SPEF2: variants seen among roughly 807,000 people sequenced by gnomAD.
The protein encoded by SPEF2 is sperm flagella and cilia-associated protein 2.
SPEF2 carries 187 observed loss-of-function variants against 224.6 expected under a neutral mutation model. The observed-to-expected ratio is 0.83, with a 90% CI of 0.74 to 0.94. The LOEUF (loss-of-function observed/expected upper bound fraction) is 0.94. Ranked by LOEUF, SPEF2 falls within the 40% of genes least tolerant of loss-of-function variation. The pLI, the probability that SPEF2 is intolerant of heterozygous loss-of-function variation, is 0.00. For missense variants in SPEF2, 2,170 were observed against 2,135.6 expected (o/e 1.02, Z -0.32); for synonymous variants, 715 against 707.3 (o/e 1.01, Z -0.17).
intron 25 of SPEF2, among the ~76,000 whole-genome samples, chr5:35,763,062 T>A (rs1751550024): frequency 6.6e-6 from 1 of 152,204 alleles, no homozygotes; most frequent in Non-Finnish European, 1.5e-5. Context: ...GGTATGGCCA[T>A]GGACAGTCAT....
chr5:35,671,404 ACTAGAAC>A (rs1411647826), intron 10 of SPEF2: 1 of 971,552 alleles, frequency 1.0e-6, no homozygotes, highest in African/African-American at 1.8e-5. Flanking sequence ...TTAAGGATTG[ACTAGAAC>A]CTTAAAAGAT....
intron 10 of SPEF2, chr5:35,671,440 T>C: frequency 1.0e-6 from 1 of 977,946 alleles, no homozygotes; most frequent in Non-Finnish European, 1.2e-6. Context: ...ATGTTTGTTT[T>C]GTACGGTTGT....
intron 2 of SPEF2, among the ~76,000 whole-genome samples, chr5:35,634,169 C>T (rs1745515227): frequency 6.6e-6 from 1 of 152,078 alleles, no homozygotes; most frequent in Non-Finnish European, 1.5e-5. Context: ...TCATTTAGGA[C>T]TTAAAGATTC....
chr5:35,719,648 G>A (rs1580437011), intron 20 of SPEF2, among the ~76,000 whole-genome samples: 1 of 151,836 alleles, frequency 6.6e-6, no homozygotes, highest in Non-Finnish European at 1.5e-5. Flanking sequence ...TTGAGATGGA[G>A]TCTAGCTCTG....
At chr5:35,786,151 T>C (rs966844032) in intron 30 of SPEF2, among the ~76,000 whole-genome samples, 4 of 152,176 alleles carry the variant, frequency 2.6e-5, no homozygotes, top group Admixed American at 1.3e-4. Flanking sequence ...TTTTCATTTC[T>C]TTATTCATTT....
At chr5:35,757,693 A>C (rs1167027694) in intron 24 of SPEF2, among the ~76,000 whole-genome samples, 2 of 152,166 alleles carry the variant, frequency 1.3e-5, no homozygotes, top group African/African-American at 4.8e-5. Flanking sequence ...GGATTTGTTC[A>C]TACATGAATA....
At chr5:35,631,736 C>G (rs1745162572) in intron 2 of SPEF2, among the ~76,000 whole-genome samples, 1 of 152,162 alleles carries the variant, frequency 6.6e-6, no homozygotes, top group South Asian at 2.1e-4. Context: ...ATTTCCACAT[C>G]CATGAATTCA....
At chr5:35,796,326 G>A (rs1012307921) in intron 33 of SPEF2, among the ~76,000 whole-genome samples, 2 of 152,064 alleles carry the variant, frequency 1.3e-5, no homozygotes, top group Non-Finnish European at 2.9e-5. Context: ...ATCTCAATGC[G>A]GCCGGGCGCG....
intron 21 of SPEF2, among the ~76,000 whole-genome samples, chr5:35,735,438 G>A (rs1580506559): frequency 1.3e-5 from 2 of 152,272 alleles, no homozygotes; most frequent in Middle Eastern, 6.8e-3. Flanking sequence ...GGAAATTACA[G>A]AAAGACAAAT....
At chr5:35,676,274 T>G (rs1751990952) in intron 10 of SPEF2, among the ~76,000 whole-genome samples, 1 of 151,186 alleles carries the variant, frequency 6.6e-6, no homozygotes, top group South Asian at 2.1e-4. Context: ...GAGATGGTGG[T>G]CAGGGCTTTT....
chr5:35,706,377 G>A (rs1739776878), intron 18 of SPEF2, among the ~76,000 whole-genome samples: 1 of 151,824 alleles, frequency 6.6e-6, no homozygotes, highest in Non-Finnish European at 1.5e-5. Flanking sequence ...ACATAAAACT[G>A]CACAGATCGC....
intron 10 of SPEF2, among the ~76,000 whole-genome samples, chr5:35,676,580 T>C (rs931196214): frequency 1.3e-5 from 2 of 151,972 alleles, no homozygotes; most frequent in South Asian, 4.1e-4. Context: ...AATACAAAAA[T>C]TAGCTAGGCA....
intron 10 of SPEF2, among the ~76,000 whole-genome samples, chr5:35,677,585 A>G (rs963028168): frequency 6.6e-6 from 1 of 152,204 alleles, no homozygotes; most frequent in East Asian, 1.9e-4. Context: ...GCCACATTCA[A>G]TGCCTTGGAA....
intron 20 of SPEF2, 67 bp from the exon 21 acceptor site, chr5:35,727,608 A>G: frequency 7.4e-7 from 1 of 1,349,996 alleles, no homozygotes; most frequent in African/African-American, 1.4e-5. Flanking sequence ...TTATAGATGT[A>G]TTCATCTACC....
intron 29 of SPEF2, among the ~76,000 whole-genome samples, chr5:35,777,635 A>G (rs1043688152): frequency 3.3e-5 from 5 of 151,572 alleles, no homozygotes; most frequent in African/African-American, 1.2e-4. Context: ...AACTGTGGCC[A>G]CAAGAAGTTA....
At chr5:35,799,600 T>C (rs570499404) in intron 33 of SPEF2, among the ~76,000 whole-genome samples, 1 of 152,264 alleles carries the variant, frequency 6.6e-6, no homozygotes, top group Admixed American at 6.5e-5. Flanking sequence ...AGAAGCCTCA[T>C]ATTTAGGACC....
intron 26 of SPEF2, among the ~76,000 whole-genome samples, chr5:35,770,265 A>G (rs1752645495): frequency 6.6e-6 from 1 of 152,108 alleles, no homozygotes; most frequent in African/African-American, 2.4e-5. Flanking sequence ...TATAAAGTAC[A>G]CTGTGAAGTT....
chr5:35,652,623 T>C (rs1208540430), intron 6 of SPEF2, among the ~76,000 whole-genome samples: 2 of 152,178 alleles, frequency 1.3e-5, no homozygotes, highest in African/African-American at 4.8e-5. Flanking sequence ...ATTTGAAATT[T>C]AGCAGACATC....
intron 36 of SPEF2, among the ~76,000 whole-genome samples, chr5:35,808,830 G>T (rs920256330): frequency 6.9e-6 from 1 of 145,162 alleles, no homozygotes; most frequent in Non-Finnish European, 1.5e-5. Context: ...ATATATGTAT[G>T]TAACATATAC....
Sources: gnomAD v4.1 joint callset for allele counts (sites outside exome capture counted in the v4.1 genomes callset) on GRCh38, gnomAD v4.1.1 for gene constraint, MANE v1.5 for transcripts, NCBI Gene and HGNC (gene_info 2026-07-23, HGNC 2026-07-21) for gene names.